The following PCDH9 variants were observed in gnomAD, a reference collection of about 807,000 sequenced individuals.
The protein encoded by PCDH9 is protocadherin-9.
A neutral mutation model predicts 70.6 loss-of-function variants in PCDH9; 24 were observed. The observed-to-expected ratio is 0.34, with a 90% CI of 0.25 to 0.48. The LOEUF (loss-of-function observed/expected upper bound fraction) is 0.48. Among genes scored for constraint, PCDH9 ranks in the 20% least tolerant of loss-of-function variants. The pLI is 0.99. For missense variants in PCDH9, 1,281 were observed against 1,503.6 expected (o/e 0.85, Z 2.45); for synonymous variants, 562 against 558.5 (o/e 1.01, Z -0.09).
intron 2 of PCDH9, among the ~76,000 whole-genome samples, chr13:67,177,627 T>C (rs1006688618): frequency 6.6e-6 from 1 of 152,018 alleles, no homozygotes; most frequent in East Asian, 1.9e-4. Flanking sequence ...AATGCTTGAA[T>C]ATTGGTGTTG....
Position 66,903,486 on chromosome 13 carries a change from TATAGATATATGGC to T in PCDH9, c.3138+5_3138+17del. 1.9e-6 allele frequency: 2 copies of T among 1,054,970 alleles called. No individual in the cohort carries two copies. Among genetic ancestry groups the T allele is most frequent in the Non-Finnish European group, 3.0e-6 (2 of 677,896 alleles). The allele number at this position is 1,054,970 out of a possible 1,614,324, so 65.4% of individuals were successfully genotyped here. On this transcript the variant is annotated splice_donor_5th_base_variant and intron_variant, in intron 3 of 4. Transcript: ENST00000377865. ...AATTTATCAGTACTAACATGTTCTCTATAGATATATGGCATACCTCGTAATGGCTTTCTTCATT... is the reference window on the plus strand; with the variant it reads ...AATTTATCAGTACTAACATGTTCTCTATACCTCGTAATGGCTTTCTTCATT...
intron 3 of PCDH9, among the ~76,000 whole-genome samples, chr13:66,717,303 T>A (rs1339650344): frequency 6.6e-6 from 1 of 150,756 alleles, no homozygotes; most frequent in African/African-American, 2.4e-5. Flanking sequence ...AATACAAAAA[T>A]TAGCCAGGTG....
chr13:67,003,383 GA>G (rs11461995), intron 2 of PCDH9, among the ~76,000 whole-genome samples: 4 of 151,426 alleles, frequency 2.6e-5, no homozygotes, highest in African/African-American at 7.3e-5. Context: ...TGGTAAAAAA[GA>G]AAAAAAAGAT....
chr13:67,109,283 A>G (rs1311969484), intron 2 of PCDH9, among the ~76,000 whole-genome samples: 1 of 152,122 alleles, frequency 6.6e-6, no homozygotes, highest in African/African-American at 2.4e-5. Context: ...TCAGACCCTA[A>G]CATTATTTTT....
At chr13:66,636,977 T>C (rs1593817293) in intron 3 of PCDH9, among the ~76,000 whole-genome samples, 1 of 152,142 alleles carries the variant, frequency 6.6e-6, no homozygotes, top group African/African-American at 2.4e-5. Flanking sequence ...TTAAAAAATA[T>C]AGAGACTGGA....
intron 2 of PCDH9, among the ~76,000 whole-genome samples, chr13:67,129,850 C>T (rs1019379446): frequency 2.6e-5 from 4 of 151,690 alleles, no homozygotes; most frequent in Non-Finnish European, 5.9e-5. Context: ...CTATTAAAGC[C>T]TTTTGCAATA....
intron 4 of PCDH9, among the ~76,000 whole-genome samples, chr13:66,398,427 A>G (rs879319443): frequency 2.0e-5 from 3 of 152,164 alleles, no homozygotes; most frequent in Non-Finnish European, 4.4e-5. Flanking sequence ...TGGGAGATTT[A>G]GAGACATTTA....
chr13:67,106,784 C>A (rs956614749), intron 2 of PCDH9, among the ~76,000 whole-genome samples: 2 of 152,208 alleles, frequency 1.3e-5, no homozygotes, highest in Admixed American at 6.5e-5. Flanking sequence ...CACTGCTTGG[C>A]CTTCCCCTGG....
At chr13:67,134,415 A>G (rs796693747) in intron 2 of PCDH9, among the ~76,000 whole-genome samples, 17 of 152,202 alleles carry the variant, frequency 1.1e-4, no homozygotes, top group African/African-American at 3.8e-4. Context: ...CTAATTCACC[A>G]TGGTTCCTAT....
chr13:66,383,606 T>C (rs746254432), intron 4 of PCDH9, among the ~76,000 whole-genome samples: 5 of 152,186 alleles, frequency 3.3e-5, no homozygotes, highest in Non-Finnish European at 7.4e-5. Flanking sequence ...TAAAATAACA[T>C]ATACAAATCC....
intron 3 of PCDH9, among the ~76,000 whole-genome samples, chr13:66,769,371 C>T (rs9571661): frequency 0.081 from 12,364 of 151,980 alleles, 524 homozygotes; most frequent in East Asian, 0.14. Context: ...AGGTTAAATG[C>T]TTGATGCTTA....
At chr13:66,491,123 T>C (rs1468458647) in intron 4 of PCDH9, among the ~76,000 whole-genome samples, 1 of 152,176 alleles carries the variant, frequency 6.6e-6, no homozygotes, top group Non-Finnish European at 1.5e-5. Flanking sequence ...TTTCACTGCC[T>C]CTTACAAAAT....
At chr13:67,189,114 G>A (rs1055412783) in intron 2 of PCDH9, among the ~76,000 whole-genome samples, 5 of 151,680 alleles carry the variant, frequency 3.3e-5, no homozygotes, top group African/African-American at 9.7e-5. Flanking sequence ...TGAGAATGCC[G>A]TTAATTCCTT....
intron 2 of PCDH9, chr13:67,225,112 T>G: frequency 7.8e-7 from 1 of 1,279,912 alleles, no homozygotes; most frequent in Non-Finnish European, 9.9e-7. Context: ...GGACAGGTTT[T>G]TTCTTCTTCA....
intron 2 of PCDH9, among the ~76,000 whole-genome samples, chr13:66,989,561 T>C (rs114738849): frequency 0.025 from 3,842 of 152,006 alleles, 159 homozygotes; most frequent in African/African-American, 0.087. Context: ...AATTACTCCA[T>C]GATCCCAAGT....
rs568809665 is a variant in PCDH9 at position 66,765,157 on chromosome 13, T to C, written c.3139-133746A>G. Reference sequence around the variant, plus strand: ...GCTCTCTCCCTCCCTCTCTTTTTTCTAAAATGAGCTCTGGCAGATCTAATC... The same window carrying C: ...GCTCTCTCCCTCCCTCTCTTTTTTCCAAAATGAGCTCTGGCAGATCTAATC... On this transcript the variant is annotated intron_variant, in intron 3 of 4. Transcript: ENST00000377865. Among the ~76,000 whole-genome samples, 4 of 151,774 alleles carry C rather than the reference T, an allele frequency of 2.6e-5. No homozygotes were observed. The South Asian group carries it at 8.3e-4, about 32-fold the overall frequency.
At chr13:66,948,129 T>C (rs887453942) in intron 2 of PCDH9, among the ~76,000 whole-genome samples, 2 of 152,056 alleles carry the variant, frequency 1.3e-5, no homozygotes, top group Admixed American at 6.6e-5. Flanking sequence ...CCTCAGAGTA[T>C]AGTGTTGATA....
At chr13:66,426,314 C>T (rs930500711) in intron 4 of PCDH9, among the ~76,000 whole-genome samples, 1 of 151,514 alleles carries the variant, frequency 6.6e-6, no homozygotes, top group Admixed American at 6.6e-5. Context: ...TTCTAATTAT[C>T]CTTTTTCAAC....
intron 2 of PCDH9, chr13:67,210,627 T>A (rs1566497863): frequency 6.6e-6 from 1 of 151,692 alleles, no homozygotes; most frequent in Non-Finnish European, 1.5e-5. Context: ...ATAATAGAAA[T>A]AAAAAAATGG....
Sources: gnomAD v4.1 joint callset for allele counts (sites outside exome capture counted in the v4.1 genomes callset) on GRCh38, gnomAD v4.1.1 for gene constraint, MANE v1.5 for transcripts, NCBI Gene and HGNC (gene_info 2026-07-23, HGNC 2026-07-21) for gene names.